The following SMOC2 variants were observed in gnomAD, a reference collection of about 807,000 sequenced individuals.
SMOC2 encodes the protein SPARC-related modular calcium-binding protein 2.
A neutral mutation model predicts 61.4 loss-of-function variants in SMOC2; 39 were observed. The observed-to-expected ratio is 0.64, with a 90% CI of 0.49 to 0.83. The LOEUF (loss-of-function observed/expected upper bound fraction) is 0.83. Ranked by LOEUF, SMOC2 falls within the 40% of genes least tolerant of loss-of-function variation. The pLI is 0.00. For synonymous variants in SMOC2, 247 were observed against 239.9 expected (o/e 1.03, Z -0.27); for missense variants, 556 against 592.9 (o/e 0.94, Z 0.65).
chr6:168,537,083 A>G lies in SMOC2; in HGVS notation c.464-6542A>G, dbSNP rs140963565. On this transcript the variant is annotated intron_variant, in intron 4 of 12. Coordinates refer to ENST00000356284, the MANE Select transcript of SMOC2 (RefSeq NM_001166412.2). ...CCGGCCAGTGCCGGGATTCTGGCTC[A>G]TGCCAAGGAGACCCTGACTGGTCCA... Among the ~76,000 whole-genome samples, 781 of 152,364 alleles carry G rather than the reference A, an allele frequency of 5.1e-3. 4 individuals carry two copies. The highest frequency in any genetic ancestry group is 0.028 in the South Asian group (134 of 4,830).
chr6:168,659,216 G>A (rs1332369149), intron 11 of SMOC2, among the ~76,000 whole-genome samples: 1 of 152,026 alleles, frequency 6.6e-6, no homozygotes, highest in African/African-American at 2.4e-5. Flanking sequence ...AGAATTTTGA[G>A]GTGTCATTTG....
At chr6:168,549,561 G>A (rs1378860693) in intron 7 of SMOC2, among the ~76,000 whole-genome samples, 2 of 152,110 alleles carry the variant, frequency 1.3e-5, no homozygotes, top group African/African-American at 2.4e-5. Flanking sequence ...AAAGGTCTTC[G>A]TTCTCCTCAT....
At chr6:168,549,042 T>C in intron 6 of SMOC2, 87 bp from the exon 7 acceptor site, 1 of 986,488 alleles carries the variant, frequency 1.0e-6, no homozygotes, top group Non-Finnish European at 1.6e-6. Context: ...ATTTTGGCTG[T>C]TGGACTACTT....
intron 1 of SMOC2, among the ~76,000 whole-genome samples, chr6:168,505,917 A>G (rs912783642): frequency 2.0e-5 from 3 of 151,572 alleles, no homozygotes; most frequent in African/African-American, 7.3e-5. Context: ...GTTCAATCTC[A>G]TTTCTTCCTG....
intron 9 of SMOC2, among the ~76,000 whole-genome samples, chr6:168,614,428 A>G (rs1436365766): frequency 2.9e-4 from 23 of 78,470 alleles, no homozygotes; most frequent in Admixed American, 7.3e-4. Context: ...CAGCCAGCAC[A>G]GGGCCTCTTC....
chr6:168,463,196 G>A (rs1044191449), intron 1 of SMOC2, among the ~76,000 whole-genome samples: 3 of 152,154 alleles, frequency 2.0e-5, no homozygotes, highest in African/African-American at 7.2e-5. Flanking sequence ...AGATATTAAA[G>A]TGCAGAATTG....
At chr6:168,606,937 G>A (rs1785708954) in intron 8 of SMOC2, among the ~76,000 whole-genome samples, 1 of 152,166 alleles carries the variant, frequency 6.6e-6, no homozygotes, top group Non-Finnish European at 1.5e-5. Flanking sequence ...ATGGATGGGA[G>A]GGGCAGGGGG....
rs117120116 is a variant in SMOC2 at position 168,653,248 on chromosome 6, C to G, written c.1285+20C>G. The G allele has an allele frequency of 6.4e-7, 1 of 1,551,594 alleles. No individual in the cohort carries two copies. Among genetic ancestry groups the G allele is most frequent in the Non-Finnish European group, 8.8e-7 (1 of 1,130,126 alleles). ...GCCACAGTAAGAGCTTTCCCACCCCCGACCCTGGGCAGTGGTCAGGCCCTG... is the reference window on the plus strand; with the variant it reads ...GCCACAGTAAGAGCTTTCCCACCCCGGACCCTGGGCAGTGGTCAGGCCCTG... On this transcript the variant is annotated intron_variant, in intron 11 of 12. Transcript: ENST00000356284.
At chr6:168,496,628 G>A (rs988416109) in intron 1 of SMOC2, among the ~76,000 whole-genome samples, 2 of 152,112 alleles carry the variant, frequency 1.3e-5, no homozygotes, top group Admixed American at 1.3e-4. Flanking sequence ...TTCCTTGGCC[G>A]GCACCTGGAC....
chr6:168,603,722 AAAC>A (rs201434623), intron 8 of SMOC2, among the ~76,000 whole-genome samples: 2,646 of 130,548 alleles, frequency 0.02, 94 homozygotes, highest in Admixed American at 0.081. Context: ...AAAAAAAAAA[AAAC>A]CAGTAATCCA....
intron 9 of SMOC2, among the ~76,000 whole-genome samples, chr6:168,639,184 C>G (rs1024099912): frequency 6.6e-5 from 10 of 152,118 alleles, no homozygotes; most frequent in Non-Finnish European, 1.3e-4. Context: ...GTCATTGGAG[C>G]CCCCCGTTTT....
intron 7 of SMOC2, among the ~76,000 whole-genome samples, chr6:168,582,944 C>G (rs1013217464): frequency 1.3e-5 from 2 of 152,096 alleles, no homozygotes; most frequent in African/African-American, 4.8e-5. Flanking sequence ...CCCCGCCTCC[C>G]TCAATCTCCC....
chr6:168,528,967 C>T (rs1220733876), intron 4 of SMOC2, among the ~76,000 whole-genome samples: 4 of 152,098 alleles, frequency 2.6e-5, no homozygotes, highest in African/African-American at 9.7e-5. Context: ...TTGAGGTGAG[C>T]CTTGTTTTAC....
chr6:168,583,392 C>A (rs1325969333), intron 7 of SMOC2, among the ~76,000 whole-genome samples: 1 of 152,228 alleles, frequency 6.6e-6, no homozygotes, highest in African/African-American at 2.4e-5. Flanking sequence ...CCCTGCCTCA[C>A]CCCTCCTGGT....
chr6:168,574,904 A>G (rs1016696077), intron 7 of SMOC2, among the ~76,000 whole-genome samples: 3 of 152,138 alleles, frequency 2.0e-5, no homozygotes, highest in Non-Finnish European at 4.4e-5. Context: ...ATGTTGCCTT[A>G]TTAGGTGACT....
At chr6:168,559,475 A>AAAAAT (rs143424043) in intron 7 of SMOC2, among the ~76,000 whole-genome samples, 47,804 of 150,096 alleles carry the variant, frequency 0.32, 8,038 homozygotes, top group Non-Finnish European at 0.38. Flanking sequence ...AAATAAAAAT[A>AAAAAT]AAAATAAAAT....
intron 2 of SMOC2, among the ~76,000 whole-genome samples, chr6:168,523,683 A>G (rs1486755981): frequency 6.6e-6 from 1 of 151,912 alleles, no homozygotes; most frequent in African/African-American, 2.4e-5. Flanking sequence ...ACAGGCATCA[A>G]CCTCCGCACC....
At chr6:168,484,964 G>A (rs951878537) in intron 1 of SMOC2, among the ~76,000 whole-genome samples, 2 of 152,186 alleles carry the variant, frequency 1.3e-5, no homozygotes, top group African/African-American at 2.4e-5. Flanking sequence ...GGGAGGGAGT[G>A]TTTGATGGAG....
intron 7 of SMOC2, among the ~76,000 whole-genome samples, chr6:168,575,470 C>T (rs956330799): frequency 2.0e-5 from 3 of 152,040 alleles, no homozygotes; most frequent in African/African-American, 7.2e-5. Context: ...GGTGTGGGGA[C>T]CCTGCAAACA....
Sources: gnomAD v4.1 joint callset for allele counts (sites outside exome capture counted in the v4.1 genomes callset) on GRCh38, gnomAD v4.1.1 for gene constraint, MANE v1.5 for transcripts, NCBI Gene and HGNC (gene_info 2026-07-23, HGNC 2026-07-21) for gene names.